Variants in ANO3 observed in about 807,000 individuals in gnomAD.
ANO3 encodes the protein anoctamin 3, also known as anoctamin-3.
A neutral mutation model predicts 144.8 loss-of-function variants in ANO3; 99 were observed. The ratio of observed to expected loss-of-function variants is 0.68; its 90% confidence interval spans 0.58 to 0.81. ANO3 has a LOEUF of 0.81. Ranked by LOEUF, ANO3 falls within the 30% of genes least tolerant of loss-of-function variation. The probability of loss-of-function intolerance (pLI) is 0.00; values close to 1 mark genes in which losing one functional copy is unlikely to be tolerated. For missense variants in ANO3, 905 were observed against 1,202.2 expected, an observed-to-expected ratio of 0.75 and a Z score of 3.66; for synonymous variants, 414 against 392.6, an observed-to-expected ratio of 1.05 and a Z score of -0.64.
intron 3 of ANO3, 133 bp downstream of exon 3, chr11:26,443,969 ATATTCTGAGG>A: frequency 2.0e-6 from 1 of 511,852 alleles, no homozygotes; most frequent in Non-Finnish European, 3.4e-6. Context: ...GGTGAGTATA[ATATTCTGAGG>A]TTAAGAAATT....
At chr11:26,604,649 C>T (rs1001282419) in intron 17 of ANO3, among the ~76,000 whole-genome samples, 4 of 151,922 alleles carry the variant, frequency 2.6e-5, no homozygotes, top group African/African-American at 7.3e-5. Flanking sequence ...ATCTGTATTC[C>T]TAGGAATTTT....
In ANO3 at chr11:26,362,164, G is replaced by A. The variant is rs191212024; in HGVS notation, c.46+29843G>A. Among the ~76,000 whole-genome samples, 79 of 152,134 alleles carry A rather than the reference G, an allele frequency of 5.2e-4. 1 individual carries two copies. The highest frequency in any genetic ancestry group is 2.9e-5 in the Non-Finnish European group (2 of 67,992). ...TGAGTGAAATCGCACACTCATAATT[G>A]TTCTCAAGATAGTACACCAGGAAGC... On this transcript the variant is annotated intron_variant, in intron 1 of 26. Coordinates refer to ENST00000256737, the MANE Select transcript of ANO3 (RefSeq NM_031418.4).
At chr11:26,599,775 A>G in intron 17 of ANO3, 61 bp downstream of exon 17, 4 of 1,442,972 alleles carry the variant, frequency 2.8e-6, no homozygotes, top group Non-Finnish European at 3.7e-6. Context: ...GGAGAGGTCT[A>G]TGTTTCCTTT....
At chr11:26,447,666 G>A (rs1858752222) in intron 3 of ANO3, among the ~76,000 whole-genome samples, 1 of 151,828 alleles carries the variant, frequency 6.6e-6, no homozygotes, top group African/African-American at 2.4e-5. Context: ...AAATGAGTTT[G>A]ATTTTTTTTT....
intron 5 of ANO3, among the ~76,000 whole-genome samples, chr11:26,510,527 G>C (rs967685912): frequency 1.3e-5 from 2 of 152,098 alleles, no homozygotes; most frequent in African/African-American, 4.8e-5. Flanking sequence ...CTCTTCATCT[G>C]CTCCCAGAGC....
intron 3 of ANO3, among the ~76,000 whole-genome samples, chr11:26,454,875 A>G (rs1859090916): frequency 6.6e-6 from 1 of 150,682 alleles, no homozygotes; most frequent in African/African-American, 2.4e-5. Context: ...CTTATCCACC[A>G]TGATCAAGTG....
chr11:26,625,448 G>A (rs1447526207), intron 18 of ANO3, among the ~76,000 whole-genome samples: 1 of 152,082 alleles, frequency 6.6e-6, no homozygotes, highest in Non-Finnish European at 1.5e-5. Context: ...TCCTTCCAAG[G>A]TGGATATATC....
intron 1 of ANO3, among the ~76,000 whole-genome samples, chr11:26,227,670 CATG>C (rs1337473568): frequency 6.6e-6 from 1 of 152,114 alleles, no homozygotes; most frequent in Non-Finnish European, 1.5e-5. Flanking sequence ...TTTTTATCTA[CATG>C]ATTCCACTTG....
intron 14 of ANO3, among the ~76,000 whole-genome samples, chr11:26,567,744 C>T (rs2134276714): frequency 6.6e-6 from 1 of 151,966 alleles, no homozygotes; most frequent in East Asian, 1.9e-4. Context: ...TTCATAGCGG[C>T]ATTATTTATA....
chr11:26,652,561 C>A (rs1853566627), intron 24 of ANO3, among the ~76,000 whole-genome samples: 2 of 152,142 alleles, frequency 1.3e-5, no homozygotes, highest in Admixed American at 6.5e-5. Flanking sequence ...TCTAGTAATT[C>A]ACCCCTTTTT....
intron 1 of ANO3, among the ~76,000 whole-genome samples, chr11:26,398,564 T>C (rs1347448183): frequency 6.6e-6 from 1 of 152,112 alleles, no homozygotes; most frequent in East Asian, 1.9e-4. Context: ...TATTTTATAA[T>C]TTTAAAATTT....
chr11:26,457,651 C>T (rs1479236376), intron 3 of ANO3, among the ~76,000 whole-genome samples: 1 of 152,082 alleles, frequency 6.6e-6, no homozygotes, highest in Non-Finnish European at 1.5e-5. Flanking sequence ...CTCACTGCCA[C>T]CCAGCTAACA....
intron 4 of ANO3, among the ~76,000 whole-genome samples, chr11:26,492,262 C>G (rs1357630186): frequency 6.6e-6 from 1 of 152,224 alleles, no homozygotes; most frequent in Non-Finnish European, 1.5e-5. Flanking sequence ...TCTTCTGCTT[C>G]ACTTCTGAAA....
At chr11:26,615,412 A>ATT (rs199774508) in intron 17 of ANO3, among the ~76,000 whole-genome samples, 28 of 105,050 alleles carry the variant, frequency 2.7e-4, no homozygotes, top group African/African-American at 7.3e-4. Context: ...ATATATATAT[A>ATT]TATTTTTTTT....
intron 1 of ANO3, among the ~76,000 whole-genome samples, chr11:26,430,208 C>A (rs996869433): frequency 6.6e-6 from 1 of 150,946 alleles, no homozygotes; most frequent in African/African-American, 2.4e-5. Context: ...TTGCAATGAA[C>A]CGAGATTGCA....
chr11:26,598,436 G>A lies in ANO3; in HGVS notation c.1519G>A (p.Glu507Lys). 1 of 1,587,024 alleles carries A rather than the reference G, an allele frequency of 6.3e-7. No individual in the cohort carries two copies. The highest frequency in any genetic ancestry group is 8.6e-7 in the Non-Finnish European group (1 of 1,167,140). The change falls in exon 15 of 27, where the codon GAA becomes AAA. Residue 507 changes from glutamate (E) to lysine (K), a missense_variant. This residue lies in a region of ANO3 where 597 missense variants were observed against 865.1 expected (regional missense o/e 0.69). Coordinates refer to ENST00000256737, the MANE Select transcript of ANO3 (RefSeq NM_031418.4). ...CTATACTTGGGACCTTATCGAATGG[G>A]AAGAAGAGGAGGTAAGATGTTAGGA... ...LTYTWDLIEW[E>K]EEEETLRPQF...
intron 14 of ANO3, among the ~76,000 whole-genome samples, chr11:26,588,287 TAAC>T (rs1182614066): frequency 2.6e-5 from 4 of 152,036 alleles, no homozygotes; most frequent in Admixed American, 6.6e-5. Flanking sequence ...GATTAGTAAA[TAAC>T]AATTTATTTC....
chr11:26,374,553 C>T (rs1177418349), intron 1 of ANO3, among the ~76,000 whole-genome samples: 2 of 152,082 alleles, frequency 1.3e-5, no homozygotes, highest in Admixed American at 1.3e-4. Context: ...TAATCATTTG[C>T]CATTTTAATT....
In ANO3 at chr11:26,544,263, TATATATATATAC is replaced by T. The variant is rs1197557219; in HGVS notation, c.1154+2197_1154+2208del. Among the ~76,000 whole-genome samples the T allele has an allele frequency of 2.3e-4, 18 of 79,838 alleles. 1 individual carries two copies. The highest frequency in any genetic ancestry group is 8.9e-4 in the East Asian group (1 of 1,126). 52.4% of individuals were successfully genotyped at this position (79,838 alleles called of 152,430 possible). A position where few individuals can be genotyped will look rare whatever the true frequency, so the allele number is the denominator to read the frequency against. On this transcript the variant is annotated intron_variant, in intron 11 of 26. Transcript: ENST00000256737. ...GTATTTCATTATACATATATATATA[TATATATATATAC>T]ACACATACACACACACACACACATA...
Sources: allele counts gnomAD v4.1 joint callset (sites outside exome capture counted in the v4.1 genomes callset), GRCh38; gene constraint gnomAD v4.1.1; regional missense constraint gnomAD v4.1.1; transcripts MANE v1.5; gene names NCBI Gene and HGNC (gene_info 2026-07-23, HGNC 2026-07-21).